HHIPL2: variants seen among roughly 807,000 people sequenced by gnomAD.
HHIPL2 encodes HHIP like 2, also known as HHIP-like protein 2.
In HHIPL2, 61 loss-of-function variants were observed where a neutral mutation model predicts 61.0. The observed-to-expected ratio is 1.00, with a 90% CI of 0.81 to 1.24. HHIPL2 has a LOEUF of 1.24. Ranked by LOEUF, HHIPL2 falls within the 50% of genes most tolerant of loss-of-function variation. The pLI, the probability that HHIPL2 is intolerant of heterozygous loss-of-function variation, is 0.00. For synonymous variants in HHIPL2, 343 were observed against 357.4 expected, an observed-to-expected ratio of 0.96 and a Z score of 0.45; for missense variants, 885 against 910.2, an observed-to-expected ratio of 0.97 and a Z score of 0.36.
chr1:222,527,155 G>T, intron 6 of HHIPL2, 105 bp from the exon 7 acceptor site: 1 of 810,922 alleles, frequency 1.2e-6, no homozygotes, highest in South Asian at 1.7e-5. Context: ...GCCCTAAAAT[G>T]CAGTGAGCGC....
At chr1:222,547,187 CT>C (rs564501494) in intron 1 of HHIPL2, among the ~76,000 whole-genome samples, 1 of 152,328 alleles carries the variant, frequency 6.6e-6, no homozygotes, top group African/African-American at 2.4e-5. Flanking sequence ...TTGCATCTCT[CT>C]CTTCCAGCTC....
Position 222,530,428 on chromosome 1 carries a change from T to C in HHIPL2, c.1723+1538A>G, listed in dbSNP as rs115018634. On this transcript the variant is annotated intron_variant, in intron 6 of 8. Coordinates refer to ENST00000343410, the MANE Select transcript of HHIPL2 (RefSeq NM_024746.4). ...TCCACTGGCCATCATCCTGCCAGCC[T>C]GTGGTTTCTCTCCTTTTTCATATGT... Among the ~76,000 whole-genome samples, 1,226 of 152,370 alleles carry C rather than the reference T, an allele frequency of 8.0e-3. 9 individuals are homozygous for C. Among genetic ancestry groups the C allele is most frequent in the Middle Eastern group, 0.061 (18 of 294 alleles).
intron 4 of HHIPL2, 98 bp from the exon 5 acceptor site, chr1:222,538,872 T>C (rs933165616): frequency 3.7e-5 from 46 of 1,255,992 alleles, no homozygotes; most frequent in Non-Finnish European, 4.9e-5. Context: ...CCTAATTCAG[T>C]AAAGAACACT....
intron 5 of HHIPL2, among the ~76,000 whole-genome samples, chr1:222,538,195 GGTGTGTGTGTGTGT>G (rs373452655): frequency 0.27 from 36,550 of 136,364 alleles, 4,390 homozygotes; most frequent in Non-Finnish European, 0.29. Flanking sequence ...CTCTGGCTGG[GGTGTGTGTGTGTGT>G]GTGTGTGTGT....
Position 222,540,170 on chromosome 1 carries a change from G to C in HHIPL2, c.1290C>G (p.Asp430Glu). Residue 430 changes from aspartate to glutamate, a missense_variant, in exon 4 of 9, where the codon GAC becomes GAG. By Grantham distance (45) the Asp-to-Glu change is conservative. Coordinates refer to ENST00000343410, the MANE Select transcript of HHIPL2 (RefSeq NM_024746.4). ...NMWRCAVDRG[D>E]PITRQGRGRI... ...GGCCTCGGCCCTGGCGCGTGATGGG[G>C]TCCCCTCGGTCCACAGCACAACGCC... 1 of 1,614,242 alleles carries C rather than the reference G, an allele frequency of 6.2e-7. No individual in the cohort carries two copies. Among genetic ancestry groups the C allele is most frequent in the East Asian group, 2.2e-5 (1 of 44,886 alleles).
rs781085928 is a variant in HHIPL2, at chr1:222,543,758, C to T, written c.753G>A (p.Leu251=). 6.2e-7 allele frequency: 1 copy of T among 1,614,144 alleles called. No homozygotes were observed. Among genetic ancestry groups the T allele is most frequent in the South Asian group, 1.1e-5 (1 of 91,072 alleles). ...VWVYLPDGSR[L]EQPFLDLKNI... ...TCTTGAGGTCCAGGAAGGGTTGCTC[C>T]AGGCGACTCCCATCAGGGAGGTAGA... Residue 251 remains leucine (L), a synonymous_variant, in exon 2 of 9, where the codon CTG becomes CTA. Transcript: ENST00000343410.
intron 5 of HHIPL2, among the ~76,000 whole-genome samples, chr1:222,537,698 A>G (rs900650853): frequency 1.3e-5 from 2 of 152,116 alleles, no homozygotes; most frequent in Non-Finnish European, 2.9e-5. Flanking sequence ...TATGTTCCAC[A>G]TAGAAAATCC....
intron 1 of HHIPL2, among the ~76,000 whole-genome samples, chr1:222,545,940 G>A (rs1289304910): frequency 6.6e-6 from 1 of 152,040 alleles, no homozygotes; most frequent in Non-Finnish European, 1.5e-5. Flanking sequence ...AGGTACTCAG[G>A]AGGCTGAGAC....
chr1:222,528,894 C>T (rs1255388878), intron 6 of HHIPL2, among the ~76,000 whole-genome samples: 1 of 148,122 alleles, frequency 6.8e-6, no homozygotes, highest in Non-Finnish European at 1.5e-5. Context: ...AATCACAGCT[C>T]ACTGTAGCCT....
intron 1 of HHIPL2, among the ~76,000 whole-genome samples, chr1:222,544,393 C>A (rs1659513610): frequency 6.6e-6 from 1 of 152,172 alleles, no homozygotes; most frequent in South Asian, 2.1e-4. Context: ...CAGGGAAAAT[C>A]TCTCATATTC....
intron 7 of HHIPL2, chr1:222,525,185 G>A (rs994313123): frequency 2.6e-5 from 4 of 152,138 alleles, no homozygotes; most frequent in Middle Eastern, 6.3e-3. Context: ...TTGTGAAAGT[G>A]GGGAGTTAAA....
In HHIPL2 at chr1:222,547,999, G is replaced by C. The variant is rs757482859; in HGVS notation, c.46C>G (p.Arg16Gly). The change falls in exon 1 of 9, where the codon CGG (arginine) becomes GGG (glycine). Residue 16 changes from arginine (R) to glycine (G), a missense_variant. By Grantham distance (125) the Arg-to-Gly change is moderately radical (BLOSUM62 -2). Coordinates refer to ENST00000343410, the MANE Select transcript of HHIPL2 (RefSeq NM_024746.4). Reference protein sequence around the residue: ...TPNLCGGLHCRAPWLSSGILC... With the variant: ...TPNLCGGLHCGAPWLSSGILC... ...ATGCCAGAAGAGAGCCAGGGGGCCC[G>C]GCAATGCAGACCACCACACAGATTA... 10 of 1,603,394 alleles carry C rather than the reference G, an allele frequency of 6.2e-6. No individual in the cohort carries two copies. The highest frequency in any genetic ancestry group is 8.5e-6 in the Non-Finnish European group (10 of 1,173,764).
chr1:222,525,306 G>C (rs1659039104), intron 7 of HHIPL2: 1 of 152,188 alleles, frequency 6.6e-6, no homozygotes, highest in South Asian at 2.1e-4. Flanking sequence ...ACCATCAGAA[G>C]CACTTTAAAG....
intron 4 of HHIPL2, chr1:222,539,086 A>G (rs918079232): frequency 9.4e-6 from 3 of 318,590 alleles, no homozygotes; most frequent in African/African-American, 6.4e-5. Flanking sequence ...GCAGAAACCC[A>G]GGTTTAAGGA....
In HHIPL2 at chr1:222,538,741, G is replaced by A. The variant is rs766851431; in HGVS notation, c.1484C>T (p.Ala495Val). The change falls in exon 5 of 9, where the codon GCA becomes GTA. Residue 495 changes from alanine to valine, a missense_variant. Transcript: ENST00000343410. ...DVLPIYAYGH[A>V]VGKSVTGGYV... ...ACCTCCAGTGACTGACTTCCCCACT[G>A]CATGGCCATAAGCATAGATTGGCAG... The A allele has an allele frequency of 6.2e-7, 1 of 1,613,998 alleles. No individual in the cohort carries two copies. Among genetic ancestry groups the A allele is most frequent in the Non-Finnish European group, 8.5e-7 (1 of 1,179,878 alleles).
chr1:222,545,921 T>C (rs1383045746), intron 1 of HHIPL2, among the ~76,000 whole-genome samples: 1 of 151,974 alleles, frequency 6.6e-6, no homozygotes, highest in African/African-American at 2.4e-5. Context: ...GTCATGTGCC[T>C]GTAGTCCCAG....
intron 1 of HHIPL2, among the ~76,000 whole-genome samples, chr1:222,544,485 A>C (rs1424426491): frequency 1.3e-5 from 2 of 152,120 alleles, no homozygotes; most frequent in Non-Finnish European, 2.9e-5. Flanking sequence ...TTTCAAAAAG[A>C]TATTACTAAA....
Position 222,523,682 on chromosome 1 carries a change from TG to T in HHIPL2, c.1817del (p.Pro606GlnfsTer11), listed in dbSNP as rs777317485. The T allele has an allele frequency of 1.9e-6, 3 of 1,614,122 alleles. No individual in the cohort carries two copies. Among genetic ancestry groups the T allele is most frequent in the Non-Finnish European group, 2.5e-6 (3 of 1,180,018 alleles). ...KFVDPSRRAP[P>X]GKCKYKPVPV... ...GCACTGGCTTGTATTTGCACTTGCC[TG>T]GGGGTGCTCGCCTAAAAACACAAAC... On this transcript the variant is annotated frameshift_variant, in exon 8 of 9. Transcript: ENST00000343410. LOFTEE classifies it high-confidence loss of function.
intron 4 of HHIPL2, among the ~76,000 whole-genome samples, chr1:222,539,256 G>A (rs1294200229): frequency 6.6e-6 from 1 of 152,106 alleles, no homozygotes; most frequent in African/African-American, 2.4e-5. Flanking sequence ...CCTGGGCCGG[G>A]CACGGTGACT....
Sources: gnomAD v4.1 joint callset for allele counts (sites outside exome capture counted in the v4.1 genomes callset) on GRCh38, gnomAD v4.1.1 for gene constraint, MANE v1.5 for transcripts, NCBI Gene and HGNC (gene_info 2026-07-23, HGNC 2026-07-21) for gene names.